PTPRO: variants seen among roughly 807,000 people sequenced by gnomAD.
PTPRO encodes receptor-type tyrosine-protein phosphatase O.
Under a neutral mutation model 145.2 loss-of-function variants are expected in PTPRO, and 62 were observed. That is an observed-to-expected ratio of 0.43 (90% CI 0.35 to 0.53). The LOEUF is 0.53. PTPRO is among the 20% of genes least tolerant of loss of function. The probability of loss-of-function intolerance (pLI) is 0.01; values close to 1 mark genes in which losing one functional copy is unlikely to be tolerated. For synonymous variants in PTPRO, 565 were observed against 514.7 expected (o/e 1.10, Z -1.32); for missense variants, 1,345 against 1,482.7 (o/e 0.91, Z 1.53).
chr12:15,441,653 G>A (rs1311338781), intron 1 of PTPRO, among the ~76,000 whole-genome samples: 1 of 151,976 alleles, frequency 6.6e-6, no homozygotes, highest in Non-Finnish European at 1.5e-5. Flanking sequence ...AGCACAATCA[G>A]AAATGACAAA....
intron 1 of PTPRO, among the ~76,000 whole-genome samples, chr12:15,343,118 T>C (rs928293581): frequency 6.6e-6 from 1 of 152,178 alleles, no homozygotes; most frequent in Non-Finnish European, 1.5e-5. Context: ...AAATGCAGGA[T>C]AGCATACAGG....
intron 1 of PTPRO, among the ~76,000 whole-genome samples, chr12:15,465,066 A>G (rs1338900209): frequency 6.6e-6 from 1 of 152,250 alleles, no homozygotes; most frequent in African/African-American, 2.4e-5. Context: ...ATGTTTCCTT[A>G]ACACCAAATA....
intron 1 of PTPRO, among the ~76,000 whole-genome samples, chr12:15,343,213 A>C (rs1429635506): frequency 6.6e-6 from 1 of 152,058 alleles, no homozygotes; most frequent in Non-Finnish European, 1.5e-5. Flanking sequence ...ATCTTAATTG[A>C]ATATGAAAAT....
At chr12:15,376,216 A>G (rs985361124) in intron 1 of PTPRO, among the ~76,000 whole-genome samples, 4 of 152,202 alleles carry the variant, frequency 2.6e-5, no homozygotes, top group African/African-American at 9.6e-5. Flanking sequence ...GAGAGAAAAA[A>G]GACTCATCCT....
At chr12:15,380,735 T>C (rs1211902135) in intron 1 of PTPRO, among the ~76,000 whole-genome samples, 2 of 152,186 alleles carry the variant, frequency 1.3e-5, no homozygotes, top group African/African-American at 2.4e-5. Context: ...TAACCTCTAC[T>C]GCACTATCAA....
At chr12:15,566,864 C>T (rs770381146) in intron 18 of PTPRO, among the ~76,000 whole-genome samples, 25 of 152,136 alleles carry the variant, frequency 1.6e-4, no homozygotes, top group Admixed American at 1.0e-3. Flanking sequence ...TGGCTTATAC[C>T]AACTGATGTA....
At chr12:15,584,998 C>T (rs1026549332) in intron 23 of PTPRO, among the ~76,000 whole-genome samples, 1 of 152,146 alleles carries the variant, frequency 6.6e-6, no homozygotes, top group African/African-American at 2.4e-5. Context: ...TCATCAAAAA[C>T]GTGTTTGTTG....
intron 14 of PTPRO, 105 bp from the exon 15 acceptor site, chr12:15,551,445 TC>T: frequency 7.2e-7 from 1 of 1,383,392 alleles, no homozygotes; most frequent in Non-Finnish European, 1.0e-6. Context: ...ATTATTGGTA[TC>T]ATCGTAAGCT....
chr12:15,541,881 A>C (rs1383337531), intron 12 of PTPRO, among the ~76,000 whole-genome samples: 3 of 152,082 alleles, frequency 2.0e-5, no homozygotes, highest in Non-Finnish European at 4.4e-5. Context: ...GTGTGGTGGC[A>C]GGCACCTGTA....
chr12:15,564,412 G>A (rs2135593462), intron 17 of PTPRO, among the ~76,000 whole-genome samples: 1 of 152,290 alleles, frequency 6.6e-6, no homozygotes, highest in African/African-American at 2.4e-5. Flanking sequence ...TTTTGTTTCA[G>A]TTCAACTGAA....
rs539233426 is a variant in PTPRO, at chr12:15,494,135, G to A, written c.350-3110G>A. On this transcript the variant is annotated intron_variant, in intron 2 of 26. Coordinates refer to ENST00000281171, the MANE Select transcript of PTPRO (RefSeq NM_030667.3). ...AGAGTAATAATTTACTTCTGGTCAT[G>A]GTGGGAAAAGAATGGGGTTTGGGTA... Among the ~76,000 whole-genome samples the A allele has an allele frequency of 4.6e-5, 7 of 152,254 alleles. No homozygotes were observed. In the East Asian group the frequency reaches 9.6e-4, roughly 21 times the overall value.
intron 25 of PTPRO, among the ~76,000 whole-genome samples, chr12:15,590,053 C>A (rs554560406): frequency 9.2e-5 from 14 of 152,252 alleles, no homozygotes; most frequent in African/African-American, 3.1e-4. Context: ...GCTTTCTGTC[C>A]CTTTTATGAT....
chr12:15,444,650 A>T (rs1410362363), intron 1 of PTPRO, among the ~76,000 whole-genome samples: 2 of 149,678 alleles, frequency 1.3e-5, no homozygotes, highest in African/African-American at 5.0e-5. Flanking sequence ...AGCCTTCAGG[A>T]GGTTATTTGT....
intron 1 of PTPRO, among the ~76,000 whole-genome samples, chr12:15,411,567 G>A (rs184247657): frequency 5.4e-4 from 82 of 152,286 alleles, no homozygotes; most frequent in African/African-American, 1.9e-3. Context: ...CTGTGTATTC[G>A]TAGCTGTGAT....
intron 17 of PTPRO, among the ~76,000 whole-genome samples, chr12:15,563,363 A>G (rs1943822548): frequency 6.6e-6 from 1 of 152,094 alleles, no homozygotes; most frequent in African/African-American, 2.4e-5. Context: ...ATTGCTAGCA[A>G]AGCCTTAATT....
intron 5 of PTPRO, among the ~76,000 whole-genome samples, chr12:15,503,463 A>C (rs1367292098): frequency 6.6e-6 from 1 of 152,206 alleles, no homozygotes; most frequent in Non-Finnish European, 1.5e-5. Flanking sequence ...CTTAAAAATT[A>C]GATGTATTTT....
chr12:15,590,794 C>G (rs1944535189), intron 25 of PTPRO, among the ~76,000 whole-genome samples: 1 of 152,102 alleles, frequency 6.6e-6, no homozygotes, highest in African/African-American at 2.4e-5. Flanking sequence ...ATCATGCTGC[C>G]TAGTAATTTA....
chr12:15,492,736 T>C (rs1942025115), intron 2 of PTPRO, among the ~76,000 whole-genome samples: 1 of 152,106 alleles, frequency 6.6e-6, no homozygotes, highest in African/African-American at 2.4e-5. Flanking sequence ...TCTATACTGA[T>C]AAAAGTTATA....
intron 1 of PTPRO, among the ~76,000 whole-genome samples, chr12:15,418,059 A>G (rs1320136443): frequency 6.6e-6 from 1 of 151,836 alleles, no homozygotes; most frequent in Non-Finnish European, 1.5e-5. Context: ...AATCACCTAC[A>G]TCACTAGGCA....
Sources: gnomAD v4.1 joint callset for allele counts (sites outside exome capture counted in the v4.1 genomes callset) on GRCh38, gnomAD v4.1.1 for gene constraint, MANE v1.5 for transcripts, NCBI Gene and HGNC (gene_info 2026-07-23, HGNC 2026-07-21) for gene names.